ALKBH8: variants seen among roughly 807,000 people sequenced by gnomAD.
The protein encoded by ALKBH8 is tRNA (carboxymethyluridine(34)-5-O)-methyltransferase ALKBH8.
In ALKBH8, 36 loss-of-function variants were observed where a neutral mutation model predicts 59.8. The ratio of observed to expected loss-of-function variants is 0.60; its 90% CI spans 0.46 to 0.79. The LOEUF (loss-of-function observed/expected upper bound fraction) is 0.79, where lower values mean the gene tolerates loss of function less well. ALKBH8 is among the 30% of genes least tolerant of loss of function. The pLI is 0.00. For missense variants in ALKBH8, 768 were observed against 801.0 expected (o/e 0.96, Z 0.50); for synonymous variants, 276 against 273.6 (o/e 1.01, Z -0.09).
chr11:107,504,647 CA>C lies in ALKBH8; in HGVS notation c.*10del. On this transcript the variant is annotated 3_prime_UTR_variant, in exon 12 of 12. Transcript: ENST00000428149. ...ATTTCTTCTTTATATATGATGTGTT[CA>C]GGTAAATAATCAGGCCTTTTGAAGA... The C allele has an allele frequency of 6.5e-7, 1 of 1,543,368 alleles. No individual in the cohort carries two copies. Among genetic ancestry groups the C allele is most frequent in the South Asian group, 1.2e-5 (1 of 82,782 alleles).
intron 1 of ALKBH8, among the ~76,000 whole-genome samples, chr11:107,564,857 C>A (rs1195274186): frequency 6.6e-6 from 1 of 152,158 alleles, no homozygotes; most frequent in Non-Finnish European, 1.5e-5. Context: ...AGCACTTAAA[C>A]AGGATTTAGC....
intron 2 of ALKBH8, among the ~76,000 whole-genome samples, chr11:107,558,924 G>A (rs185961291): frequency 2.0e-3 from 299 of 152,256 alleles, no homozygotes; most frequent in Middle Eastern, 0.014. Flanking sequence ...TAATACATCC[G>A]ATATGGTTTG....
chr11:107,548,311 T>C (rs1462400411), intron 7 of ALKBH8, among the ~76,000 whole-genome samples: 1 of 152,224 alleles, frequency 6.6e-6, no homozygotes, highest in Non-Finnish European at 1.5e-5. Context: ...TCTCTTTAAT[T>C]CAGAGGTGAA....
intron 9 of ALKBH8, among the ~76,000 whole-genome samples, chr11:107,525,071 T>C (rs1327749607): frequency 6.6e-6 from 1 of 152,208 alleles, no homozygotes; most frequent in Non-Finnish European, 1.5e-5. Flanking sequence ...GTTGGATTAA[T>C]AAGATATAAT....
chr11:107,559,983 T>C (rs1864872542), intron 2 of ALKBH8, among the ~76,000 whole-genome samples: 2 of 152,190 alleles, frequency 1.3e-5, no homozygotes, highest in African/African-American at 4.8e-5. Context: ...GCCAAAAAGA[T>C]AAGAACTCCT....
chr11:107,511,993 C>G (rs1862647650), intron 10 of ALKBH8, among the ~76,000 whole-genome samples: 1 of 151,856 alleles, frequency 6.6e-6, no homozygotes. Context: ...TTTCATATAC[C>G]CAAACAATCC....
intron 11 of ALKBH8, among the ~76,000 whole-genome samples, chr11:107,508,675 C>T (rs537926479): frequency 6.6e-6 from 1 of 152,298 alleles, no homozygotes; most frequent in South Asian, 2.1e-4. Flanking sequence ...CCATGCCTCC[C>T]TCCCACAGCC....
At chr11:107,509,621 T>C (rs1030094176) in intron 11 of ALKBH8, among the ~76,000 whole-genome samples, 3 of 152,212 alleles carry the variant, frequency 2.0e-5, no homozygotes, top group African/African-American at 7.2e-5. Flanking sequence ...TAGAATTTTA[T>C]AGTTTTAGCT....
chr11:107,553,294 T>TA (rs1430506513), intron 4 of ALKBH8, 91 bp from the exon 5 acceptor site: 1 of 732,228 alleles, frequency 1.4e-6, no homozygotes, highest in Non-Finnish European at 2.2e-6. Context: ...AGGATTAGTT[T>TA]AGTAATGGCA....
At chr11:107,534,722 T>A (rs552603631) in intron 7 of ALKBH8, among the ~76,000 whole-genome samples, 1 of 151,946 alleles carries the variant, frequency 6.6e-6, no homozygotes, top group South Asian at 2.1e-4. Context: ...AGCTAAATGT[T>A]TTTCTTTTTC....
At chr11:107,510,865 G>C in intron 11 of ALKBH8, 22 bp downstream of exon 11, 2 of 1,548,696 alleles carry the variant, frequency 1.3e-6, no homozygotes, top group Non-Finnish European at 1.7e-6. Context: ...AAGTTCTTAA[G>C]AGAAAGAAAG....
intron 7 of ALKBH8, among the ~76,000 whole-genome samples, chr11:107,548,615 G>T (rs652320): frequency 0.55 from 82,839 of 151,998 alleles, 22,883 homozygotes; most frequent in Non-Finnish European, 0.57. Context: ...TAAGATGGTT[G>T]TGTCATATCA....
chr11:107,556,711 TGAAAA>T (rs1864727799), intron 3 of ALKBH8, 50 bp downstream of exon 3: 10 of 1,267,620 alleles, frequency 7.9e-6, no homozygotes, highest in African/African-American at 3.1e-5. Context: ...CTTAAGTCTA[TGAAAA>T]GAAAACACCC....
chr11:107,559,289 C>A (rs1018441554), intron 2 of ALKBH8, among the ~76,000 whole-genome samples: 1 of 152,132 alleles, frequency 6.6e-6, no homozygotes, highest in Non-Finnish European at 1.5e-5. Flanking sequence ...AATACAATAT[C>A]ATTAAAACAA....
At chr11:107,541,286 G>A (rs1188959315) in intron 7 of ALKBH8, among the ~76,000 whole-genome samples, 2 of 152,132 alleles carry the variant, frequency 1.3e-5, no homozygotes, top group African/African-American at 4.8e-5. Context: ...CAATTAAAAT[G>A]CAAGTATTAC....
At chr11:107,563,786 A>G (rs935298185) in intron 1 of ALKBH8, 1 of 152,234 alleles carries the variant, frequency 6.6e-6, no homozygotes, top group African/African-American at 2.4e-5. Flanking sequence ...TCTTTTTAAA[A>G]TGTCTGCCAC....
At chr11:107,549,011 C>T (rs648717) in intron 7 of ALKBH8, among the ~76,000 whole-genome samples, 66,456 of 149,954 alleles carry the variant, frequency 0.44, 15,572 homozygotes, top group Non-Finnish European at 0.55. Context: ...CCACCATGCC[C>T]GGCTAATTTT....
chr11:107,526,459 T>A (rs889713382), intron 8 of ALKBH8, among the ~76,000 whole-genome samples: 2 of 151,982 alleles, frequency 1.3e-5, no homozygotes, highest in Non-Finnish European at 2.9e-5. Context: ...CAATTCCTTG[T>A]TAGATACAGA....
At chr11:107,565,229 A>AT (rs1451168777) in intron 1 of ALKBH8, 1 of 285,456 alleles carries the variant, frequency 3.5e-6, no homozygotes, top group East Asian at 8.3e-5. Context: ...GCAAGGGATC[A>AT]GATCATCAGC....
Sources: gnomAD v4.1 joint callset for allele counts (sites outside exome capture counted in the v4.1 genomes callset) on GRCh38, gnomAD v4.1.1 for gene constraint, MANE v1.5 for transcripts, NCBI Gene and HGNC (gene_info 2026-07-23, HGNC 2026-07-21) for gene names.